The following MDGA2 variants were observed in gnomAD, a reference collection of about 807,000 sequenced individuals.
MDGA2 encodes the protein MAM domain-containing glycosylphosphatidylinositol anchor protein 2.
Under a neutral mutation model 117.8 loss-of-function variants are expected in MDGA2, and 40 were observed. The ratio of observed to expected loss-of-function variants is 0.34; its 90% CI spans 0.26 to 0.44. MDGA2 has a LOEUF of 0.44. MDGA2 is among the 20% of genes least tolerant of loss of function. The pLI is 1.00. For missense variants in MDGA2, 1,123 were observed against 1,250.6 expected, an observed-to-expected ratio of 0.90 and a Z score of 1.54; for synonymous variants, 452 against 439.0, an observed-to-expected ratio of 1.03 and a Z score of -0.37.
At chr14:47,039,897 C>T (rs1282765959) in intron 7 of MDGA2, among the ~76,000 whole-genome samples, 1 of 150,134 alleles carries the variant, frequency 6.7e-6, no homozygotes, top group East Asian at 1.9e-4. Flanking sequence ...TACATATTAG[C>T]TCTCTTGGCT....
At chr14:47,437,041 C>G (rs945586463) in intron 1 of MDGA2, among the ~76,000 whole-genome samples, 1 of 152,128 alleles carries the variant, frequency 6.6e-6, no homozygotes, top group Non-Finnish European at 1.5e-5. Context: ...ACTTAAAGAG[C>G]AGGCACATTA....
chr14:46,862,416 T>C (rs1486395269), intron 14 of MDGA2, among the ~76,000 whole-genome samples: 3 of 148,730 alleles, frequency 2.0e-5, no homozygotes, highest in African/African-American at 7.3e-5. Context: ...ATTTAATATA[T>C]ATTATAATAT....
intron 10 of MDGA2, among the ~76,000 whole-genome samples, chr14:46,908,145 A>G (rs547906396): frequency 1.6e-4 from 25 of 152,222 alleles, no homozygotes; most frequent in Non-Finnish European, 3.7e-4. Context: ...AATATGAACT[A>G]ACAATTTGGA....
intron 16 of MDGA2, 113 bp downstream of exon 16, chr14:46,845,653 A>C (rs1880805313): frequency 3.1e-6 from 2 of 647,606 alleles, no homozygotes; most frequent in African/African-American, 3.7e-5. Flanking sequence ...AGAAATTTCT[A>C]AATAAACCAA....
At chr14:47,516,875 G>A (rs1275953977) in intron 1 of MDGA2, among the ~76,000 whole-genome samples, 1 of 152,084 alleles carries the variant, frequency 6.6e-6, no homozygotes, top group Non-Finnish European at 1.5e-5. Flanking sequence ...GTAACTGAAA[G>A]ACTTCTAATT....
intron 10 of MDGA2, 128 bp downstream of exon 10, chr14:46,919,880 GTCTA>G (rs779196962): frequency 2.1e-5 from 14 of 679,520 alleles, no homozygotes; most frequent in African/African-American, 6.8e-5. Context: ...ATATCTATCT[GTCTA>G]TCTATATACA....
chr14:47,415,473 A>C (rs1042173256), intron 1 of MDGA2, among the ~76,000 whole-genome samples: 2 of 152,132 alleles, frequency 1.3e-5, no homozygotes, highest in Non-Finnish European at 2.9e-5. Flanking sequence ...GATCACATTC[A>C]TGTAAGTTTT....
At chr14:47,179,533 T>G (rs1884614108) in intron 3 of MDGA2, among the ~76,000 whole-genome samples, 1 of 152,088 alleles carries the variant, frequency 6.6e-6, no homozygotes, top group South Asian at 2.1e-4. Context: ...CTGTATTAAT[T>G]CGAGTCTCAT....
chr14:47,501,086 T>C (rs939421316), intron 1 of MDGA2, among the ~76,000 whole-genome samples: 3 of 152,166 alleles, frequency 2.0e-5, no homozygotes, highest in Admixed American at 2.0e-4. Context: ...TCAGATATTA[T>C]GTGCTTCATG....
chr14:46,980,762 G>A (rs1234637064), intron 8 of MDGA2, among the ~76,000 whole-genome samples: 1 of 152,202 alleles, frequency 6.6e-6, no homozygotes, highest in Non-Finnish European at 1.5e-5. Flanking sequence ...TAAAGGTTCA[G>A]ATGATTGCAA....
intron 3 of MDGA2, among the ~76,000 whole-genome samples, chr14:47,161,168 G>T (rs1269806967): frequency 6.6e-6 from 1 of 152,016 alleles, no homozygotes; most frequent in Non-Finnish European, 1.5e-5. Context: ...TACTAATGCT[G>T]TACTAATTTA....
At position 47,374,198 on chromosome 14, in the gene MDGA2, C is replaced by T. The variant is rs143549565; in HGVS notation, c.281-72648G>A. ...TAAATATAATACACCAACATTTCCC[C>T]CAGGATTTCCCACTAATTACCTTTG... On this transcript the variant is annotated intron_variant, in intron 1 of 16. Transcript: ENST00000399232. Among the ~76,000 whole-genome samples, 678 of 152,080 alleles carry T rather than the reference C, an allele frequency of 4.5e-3. 3 individuals carry two copies. The highest frequency in any genetic ancestry group is 0.016 in the African/African-American group (659 of 41,514).
At chr14:47,395,419 A>G (rs543402791) in intron 1 of MDGA2, among the ~76,000 whole-genome samples, 101 of 152,306 alleles carry the variant, frequency 6.6e-4, no homozygotes, top group Non-Finnish European at 1.3e-3. Context: ...TATAATATAT[A>G]TCTACATACA....
At chr14:47,646,129 C>T (rs929545617) in intron 1 of MDGA2, among the ~76,000 whole-genome samples, 1 of 150,312 alleles carries the variant, frequency 6.7e-6, no homozygotes, top group Non-Finnish European at 1.5e-5. Flanking sequence ...TTGACTACGT[C>T]ATGTAAACTT....
At chr14:47,149,088 C>T (rs1032848361) in intron 3 of MDGA2, among the ~76,000 whole-genome samples, 5 of 152,072 alleles carry the variant, frequency 3.3e-5, no homozygotes, top group Non-Finnish European at 5.9e-5. Context: ...GTCAGGGGTT[C>T]GAGACAAGCC....
chr14:47,296,311 T>C (rs189557444), intron 2 of MDGA2, among the ~76,000 whole-genome samples: 286 of 152,346 alleles, frequency 1.9e-3, no homozygotes, highest in Non-Finnish European at 3.5e-3. Flanking sequence ...ACAATTCATC[T>C]TTTAAAAACA....
chr14:46,859,933 G>A (rs964657538), intron 14 of MDGA2, among the ~76,000 whole-genome samples: 3 of 151,944 alleles, frequency 2.0e-5, no homozygotes, highest in African/African-American at 4.8e-5. Context: ...ATCACTCAGA[G>A]GGTAGCCTTC....
intron 1 of MDGA2, among the ~76,000 whole-genome samples, chr14:47,458,346 A>C (rs935432459): frequency 8.5e-5 from 13 of 152,148 alleles, no homozygotes; most frequent in Admixed American, 8.5e-4. Context: ...TATGCAAAAA[A>C]TCATTGCCAA....
At chr14:47,320,579 T>C (rs1479342197) in intron 1 of MDGA2, among the ~76,000 whole-genome samples, 1 of 152,106 alleles carries the variant, frequency 6.6e-6, no homozygotes, top group Non-Finnish European at 1.5e-5. Flanking sequence ...TATTTTTCTC[T>C]CCTCTTTTCC....
Sources: gnomAD v4.1 joint callset for allele counts (sites outside exome capture counted in the v4.1 genomes callset) on GRCh38, gnomAD v4.1.1 for gene constraint, MANE v1.5 for transcripts, NCBI Gene and HGNC (gene_info 2026-07-23, HGNC 2026-07-21) for gene names.